The following CA10 variants were observed in gnomAD, a reference collection of about 807,000 sequenced individuals.
CA10 encodes the protein carbonic anhydrase-related protein 10.
CA10 carries 14 observed loss-of-function variants against 44.2 expected under a neutral mutation model. The ratio of observed to expected loss-of-function variants is 0.32; its 90% CI spans 0.21 to 0.50. CA10 has a LOEUF of 0.50. Among genes scored for constraint, CA10 ranks in the 20% least tolerant of loss-of-function variants. CA10 has a pLI of 0.99. For synonymous variants in CA10, 159 were observed against 141.6 expected (o/e 1.12, Z -0.87); for missense variants, 350 against 409.7 (o/e 0.85, Z 1.26).
chr17:51,979,924 G>A (rs1984594292), intron 2 of CA10, among the ~76,000 whole-genome samples: 1 of 152,122 alleles, frequency 6.6e-6, no homozygotes, highest in Non-Finnish European at 1.5e-5. Flanking sequence ...ATCTGTCATT[G>A]ATGGGCATTT....
intron 1 of CA10, among the ~76,000 whole-genome samples, chr17:52,149,120 ACTCACATC>A (rs1201394964): frequency 6.6e-6 from 1 of 152,152 alleles, no homozygotes; most frequent in African/African-American, 2.4e-5. Flanking sequence ...GAATATGTTG[ACTCACATC>A]CTTCAGTAAA....
At chr17:52,010,941 AATG>A (rs1265211092) in intron 2 of CA10, among the ~76,000 whole-genome samples, 6 of 150,534 alleles carry the variant, frequency 4.0e-5, no homozygotes, top group South Asian at 2.1e-4. Flanking sequence ...TACTGTAGAA[AATG>A]ATGATAAGAA....
chr17:51,879,048 A>C (rs1031386351), intron 3 of CA10, among the ~76,000 whole-genome samples: 2 of 151,366 alleles, frequency 1.3e-5, no homozygotes, highest in Admixed American at 1.3e-4. Flanking sequence ...AAAAACATAT[A>C]CTATATAACT....
At chr17:51,857,510 C>T (rs1567863299) in intron 3 of CA10, among the ~76,000 whole-genome samples, 1 of 152,130 alleles carries the variant, frequency 6.6e-6, no homozygotes, top group East Asian at 1.9e-4. Context: ...TCCTAAGCAC[C>T]ATACCATGCA....
intron 4 of CA10, among the ~76,000 whole-genome samples, chr17:51,684,090 C>A (rs1029208104): frequency 2.0e-5 from 3 of 152,184 alleles, no homozygotes; most frequent in African/African-American, 7.2e-5. Context: ...CCTGGATTAT[C>A]TAAGTGAGCA....
chr17:51,928,567 G>C (rs539455848), intron 3 of CA10, among the ~76,000 whole-genome samples: 2 of 152,250 alleles, frequency 1.3e-5, no homozygotes, highest in South Asian at 4.2e-4. Context: ...ACACCAGAAA[G>C]AATAATGCTT....
chr17:51,702,122 G>A (rs962791325), intron 4 of CA10, among the ~76,000 whole-genome samples: 40 of 148,600 alleles, frequency 2.7e-4, no homozygotes, highest in Non-Finnish European at 2.5e-4. Flanking sequence ...TCATTCATTT[G>A]TTCACTTTAC....
At chr17:51,784,152 T>C (rs1362210039) in intron 3 of CA10, among the ~76,000 whole-genome samples, 1 of 152,196 alleles carries the variant, frequency 6.6e-6, no homozygotes, top group African/African-American at 2.4e-5. Context: ...ACAGCTTCAG[T>C]TACCCAAGGC....
intron 1 of CA10, among the ~76,000 whole-genome samples, 191 bp downstream of exon 1, chr17:52,157,535 C>A (rs571011522): frequency 6.9e-6 from 1 of 145,652 alleles, no homozygotes; most frequent in Admixed American, 6.8e-5. Flanking sequence ...AACCACCCCC[C>A]CCCGCAAAAC....
chr17:51,655,917 A>ACCG (rs1447410362), intron 4 of CA10, among the ~76,000 whole-genome samples: 32 of 152,174 alleles, frequency 2.1e-4, no homozygotes, highest in African/African-American at 7.5e-4. Context: ...CAGAAAGGCA[A>ACCG]CCGCAGGCCA....
chr17:52,051,836 C>A (rs931425029), intron 2 of CA10, among the ~76,000 whole-genome samples: 7 of 151,996 alleles, frequency 4.6e-5, no homozygotes, highest in African/African-American at 1.7e-4. Context: ...TACATATGTT[C>A]ACTGTAGAAC....
At chr17:51,679,697 C>A (rs75246621) in intron 4 of CA10, among the ~76,000 whole-genome samples, 1 of 151,910 alleles carries the variant, frequency 6.6e-6, no homozygotes, top group Non-Finnish European at 1.5e-5. Context: ...ATGGAGACTC[C>A]GTATTTCTAA....
chr17:51,966,907 T>C (rs377529559), intron 2 of CA10, among the ~76,000 whole-genome samples: 71 of 151,688 alleles, frequency 4.7e-4, no homozygotes, highest in African/African-American at 1.6e-3. Flanking sequence ...CGAAAGAAAC[T>C]ATCAACAGAC....
At chr17:52,057,523 G>A (rs1987263598) in intron 2 of CA10, among the ~76,000 whole-genome samples, 1 of 152,052 alleles carries the variant, frequency 6.6e-6, no homozygotes, top group African/African-American at 2.4e-5. Flanking sequence ...TTTGTTATCA[G>A]TAAGGCTTCC....
intron 4 of CA10, among the ~76,000 whole-genome samples, chr17:51,737,700 G>T (rs1916958613): frequency 6.6e-6 from 1 of 152,100 alleles, no homozygotes; most frequent in African/African-American, 2.4e-5. Flanking sequence ...CCTTCTGTCT[G>T]GTGGCCCAAG....
At chr17:51,975,026 C>G (rs952563392) in intron 2 of CA10, among the ~76,000 whole-genome samples, 9 of 151,982 alleles carry the variant, frequency 5.9e-5, no homozygotes, top group African/African-American at 2.2e-4. Flanking sequence ...GTAAATAAAA[C>G]TTGTGTTTCT....
At chr17:51,878,143 C>CAAAAAAAAA (rs558014863) in intron 3 of CA10, among the ~76,000 whole-genome samples, 59 of 63,680 alleles carry the variant, frequency 9.3e-4, no homozygotes, top group South Asian at 1.8e-3. Context: ...GACTCCGTCT[C>CAAAAAAAAA]AAAAAAAAAA....
chr17:51,689,662 G>C (rs939752313), intron 4 of CA10, among the ~76,000 whole-genome samples: 1 of 152,154 alleles, frequency 6.6e-6, no homozygotes, highest in African/African-American at 2.4e-5. Context: ...TTCCAGTATA[G>C]AGACTGACAT....
At position 52,098,215 on chromosome 17, in the gene CA10, G is replaced by T. The variant is rs1161524305; in HGVS notation, c.62-25822C>A. Among the ~76,000 whole-genome samples, 3 of 152,294 alleles carry T rather than the reference G, an allele frequency of 2.0e-5. No individual in the cohort carries two copies. The East Asian group carries it at 5.8e-4, about 29-fold the overall frequency. On this transcript the variant is annotated intron_variant, in intron 1 of 8. Transcript: ENST00000451037. ...ACATCTATCTTTATCCTTCATACAT[G>T]ATAGTGCTCAGAACAATACATAGGT...
Sources: gnomAD v4.1 joint callset for allele counts (sites outside exome capture counted in the v4.1 genomes callset) on GRCh38, gnomAD v4.1.1 for gene constraint, MANE v1.5 for transcripts, NCBI Gene and HGNC (gene_info 2026-07-23, HGNC 2026-07-21) for gene names.